Variants in NAV2 observed in about 807,000 individuals in gnomAD.
NAV2 encodes the protein helicase, APC down-regulated 1.
A neutral mutation model predicts 223.2 loss-of-function variants in NAV2; 54 were observed. The ratio of observed to expected loss-of-function variants is 0.24; its 90% CI spans 0.19 to 0.30. NAV2 has a LOEUF of 0.30. Among genes scored for constraint, NAV2 ranks in the 10% least tolerant of loss-of-function variants. The pLI is 1.00. For missense variants in NAV2, 2,806 were observed against 3,147.5 expected, an observed-to-expected ratio of 0.89 and a Z score of 2.60; for synonymous variants, 1,279 against 1,239.3, an observed-to-expected ratio of 1.03 and a Z score of -0.67.
At chr11:19,759,544 T>A (rs1203631162) in intron 1 of NAV2, among the ~76,000 whole-genome samples, 1 of 152,178 alleles carries the variant, frequency 6.6e-6, no homozygotes, top group African/African-American at 2.4e-5. Context: ...TTTTCCTGTC[T>A]TAGTAAACAG....
chr11:19,379,817 T>A (rs1303577033), intron 1 of NAV2, among the ~76,000 whole-genome samples: 1 of 152,180 alleles, frequency 6.6e-6, no homozygotes, highest in African/African-American at 2.4e-5. Flanking sequence ...TCCAGCCACG[T>A]AATTCTCTTC....
At chr11:19,507,267 G>A (rs147928758) in intron 1 of NAV2, 82 of 152,344 alleles carry the variant, frequency 5.4e-4, no homozygotes, top group African/African-American at 1.9e-3. Flanking sequence ...AGTTACAGGA[G>A]TGTTGCCATG....
At chr11:19,461,845 G>C (rs1852174375) in intron 1 of NAV2, among the ~76,000 whole-genome samples, 1 of 152,182 alleles carries the variant, frequency 6.6e-6, no homozygotes, top group Non-Finnish European at 1.5e-5. Context: ...GTGGAAACTA[G>C]ACTGTGCTGG....
At chr11:20,066,444 A>C (rs1340423080) in intron 20 of NAV2, among the ~76,000 whole-genome samples, 4 of 152,214 alleles carry the variant, frequency 2.6e-5, no homozygotes, top group Admixed American at 2.6e-4. Context: ...AACGTCTCTG[A>C]ACCTCAGAAG....
intron 1 of NAV2, among the ~76,000 whole-genome samples, chr11:19,617,694 T>C (rs561794691): frequency 2.0e-5 from 3 of 152,328 alleles, no homozygotes; most frequent in African/African-American, 7.2e-5. Context: ...GGAGACAGTT[T>C]TGGTTGAAAC....
At chr11:19,683,642 A>G (rs78834025) in intron 1 of NAV2, among the ~76,000 whole-genome samples, 2,320 of 152,352 alleles carry the variant, frequency 0.015, 49 homozygotes, top group African/African-American at 0.053. Context: ...CTGCCTCAGT[A>G]GAGCAGAGCT....
intron 1 of NAV2, among the ~76,000 whole-genome samples, chr11:19,782,598 G>A (rs549175501): frequency 6.6e-6 from 1 of 152,188 alleles, no homozygotes; most frequent in Non-Finnish European, 1.5e-5. Context: ...TTTTCTTCAG[G>A]GTCTCTAAGA....
intron 1 of NAV2, among the ~76,000 whole-genome samples, chr11:19,741,923 C>T (rs1218784469): frequency 1.3e-5 from 2 of 151,904 alleles, no homozygotes; most frequent in Non-Finnish European, 2.9e-5. Context: ...TCTTGAGGAA[C>T]CTCCATGCTA....
At chr11:19,763,113 G>T (rs933449843) in intron 1 of NAV2, among the ~76,000 whole-genome samples, 8 of 152,188 alleles carry the variant, frequency 5.3e-5, no homozygotes, top group Non-Finnish European at 1.2e-4. Flanking sequence ...CACTTAAAAA[G>T]TATCTGGACC....
intron 1 of NAV2, among the ~76,000 whole-genome samples, chr11:19,631,681 G>A (rs981567731): frequency 6.6e-6 from 1 of 152,192 alleles, no homozygotes; most frequent in Non-Finnish European, 1.5e-5. Context: ...GCTGATGAAA[G>A]CAAACCCCCG....
chr11:19,927,336 C>T (rs1249609141), intron 6 of NAV2, among the ~76,000 whole-genome samples: 4 of 152,224 alleles, frequency 2.6e-5, no homozygotes, highest in Non-Finnish European at 4.4e-5. Context: ...AATCCCAGCA[C>T]TTTGGGAGGC....
At chr11:19,939,613 G>A in intron 7 of NAV2, 48 bp from the exon 8 acceptor site, 1 of 1,472,572 alleles carries the variant, frequency 6.8e-7, no homozygotes, top group Non-Finnish European at 9.5e-7. Context: ...TCCAGATGTG[G>A]TAGTTGCCTC....
At chr11:19,776,391 AC>A (rs1269585791) in intron 1 of NAV2, among the ~76,000 whole-genome samples, 1 of 152,198 alleles carries the variant, frequency 6.6e-6, no homozygotes, top group Non-Finnish European at 1.5e-5. Flanking sequence ...GAGCAGGCAG[AC>A]GAGGAAATAA....
At chr11:19,748,411 C>T (rs969415206) in intron 1 of NAV2, among the ~76,000 whole-genome samples, 4 of 152,208 alleles carry the variant, frequency 2.6e-5, no homozygotes, top group African/African-American at 9.6e-5. Flanking sequence ...GTAGCCAGGC[C>T]ACTGGAAGTG....
intron 25 of NAV2, among the ~76,000 whole-genome samples, chr11:20,080,873 C>G (rs2060049237): frequency 6.6e-6 from 1 of 152,166 alleles, no homozygotes; most frequent in East Asian, 1.9e-4. Context: ...TTTTTCCACT[C>G]TCCCAGAAAA....
chr11:19,888,008 C>T (rs564682898), intron 5 of NAV2, among the ~76,000 whole-genome samples: 4 of 151,568 alleles, frequency 2.6e-5, no homozygotes, highest in South Asian at 2.1e-4. Flanking sequence ...GGGATGCACT[C>T]GTAGGTTATG....
chr11:20,024,490 GAGA>G (rs1215408339), intron 11 of NAV2, among the ~76,000 whole-genome samples: 4 of 123,628 alleles, frequency 3.2e-5, no homozygotes, highest in African/African-American at 1.2e-4. Flanking sequence ...GTCTTGGAGG[GAGA>G]AGATCTACAC....
intron 1 of NAV2, among the ~76,000 whole-genome samples, chr11:19,706,213 T>C (rs1490349884): frequency 1.3e-5 from 2 of 152,230 alleles, no homozygotes; most frequent in Non-Finnish European, 2.9e-5. Context: ...TATTACATTA[T>C]ATTTAGCCAT....
At chr11:19,374,382 T>C (rs895662076) in intron 1 of NAV2, among the ~76,000 whole-genome samples, 1 of 149,728 alleles carries the variant, frequency 6.7e-6, no homozygotes, top group African/African-American at 2.5e-5. Flanking sequence ...CACTGAAGGA[T>C]GATTTGTGAT....
Sources: allele counts gnomAD v4.1 joint callset (sites outside exome capture counted in the v4.1 genomes callset), GRCh38; gene constraint gnomAD v4.1.1; transcripts MANE v1.5; gene names NCBI Gene and HGNC (gene_info 2026-07-23, HGNC 2026-07-21).